Variants in IGSF21 observed in about 807,000 individuals in gnomAD.
IGSF21 encodes the protein immunoglobin superfamily member 21.
A neutral mutation model predicts 46.8 loss-of-function variants in IGSF21; 28 were observed. The ratio of observed to expected loss-of-function variants is 0.60; its 90% CI spans 0.44 to 0.82. The LOEUF is 0.82. IGSF21 is among the 40% of genes least tolerant of loss of function. IGSF21 has a pLI of 0.00. For synonymous variants in IGSF21, 284 were observed against 273.6 expected (o/e 1.04, Z -0.38); for missense variants, 624 against 665.5 (o/e 0.94, Z 0.69).
intron 1 of IGSF21, among the ~76,000 whole-genome samples, chr1:18,120,017 T>G (rs1356036501): frequency 6.6e-6 from 1 of 152,224 alleles, no homozygotes; most frequent in East Asian, 1.9e-4. Context: ...CACATGGGCT[T>G]CTGGAGGCAC....
intron 2 of IGSF21, 21 bp downstream of exon 2, chr1:18,228,031 C>T (rs1022311771): frequency 6.4e-7 from 1 of 1,569,070 alleles, no homozygotes; most frequent in East Asian, 2.2e-5. Flanking sequence ...ACTACTGCCC[C>T]CTTCATGCCC....
At chr1:18,177,355 G>A (rs1401148019) in intron 1 of IGSF21, among the ~76,000 whole-genome samples, 3 of 152,162 alleles carry the variant, frequency 2.0e-5, no homozygotes, top group Non-Finnish European at 4.4e-5. Flanking sequence ...AGATGGCTGA[G>A]AAGGACTGTG....
Position 18,291,960 on chromosome 1 carries a change from A to G in IGSF21, c.278A>G (p.Glu93Gly), listed in dbSNP as rs1488140475. ...CACATGGAGAACTACCGCAAGCGAG[A>G]GGACCTGGTGTACCAGTCCACTGTG... ...YSHMENYRKR[E>G]DLVYQSTVRL... The change falls in exon 3 of 10, where the codon GAG (glutamate) becomes GGG (glycine). Residue 93 changes from glutamate to glycine, a missense_variant. Glu to Gly is a moderately conservative substitution (Grantham distance 98). Coordinates refer to ENST00000251296, the MANE Select transcript of IGSF21 (RefSeq NM_032880.5). The G allele has an allele frequency of 1.9e-6, 3 of 1,607,954 alleles. No individual in the cohort carries two copies. The highest frequency in any genetic ancestry group is 1.7e-4 in the Middle Eastern group (1 of 6,048).
chr1:18,363,331 G>C (rs2086123207), intron 5 of IGSF21, among the ~76,000 whole-genome samples: 1 of 152,216 alleles, frequency 6.6e-6, no homozygotes, highest in Non-Finnish European at 1.5e-5. Flanking sequence ...TGTCTCCCAG[G>C]CATGGTCCAA....
At position 18,349,148 on chromosome 1, in the gene IGSF21, C is replaced by T. The variant is rs11579921; in HGVS notation, c.425-12967C>T. Among the ~76,000 whole-genome samples, 680 of 152,132 alleles carry T rather than the reference C, an allele frequency of 4.5e-3. 1 individual carries two copies. The highest frequency in any genetic ancestry group is 0.015 in the African/African-American group (634 of 41,506). ...TTCCCATTTTTACAGAAGAGGAAACCGAGGCTCAGACAGAAGAAGCAACTT... is the reference window on the plus strand; with the variant it reads ...TTCCCATTTTTACAGAAGAGGAAACTGAGGCTCAGACAGAAGAAGCAACTT... On this transcript the variant is annotated intron_variant, in intron 4 of 9. Transcript: ENST00000251296.
intron 1 of IGSF21, among the ~76,000 whole-genome samples, chr1:18,145,872 GT>G (rs2086461337): frequency 6.6e-6 from 1 of 152,166 alleles, no homozygotes; most frequent in Non-Finnish European, 1.5e-5. Context: ...AGGAACTTTG[GT>G]TGCTCCTTTA....
At chr1:18,117,878 G>A (rs2086200790) in intron 1 of IGSF21, among the ~76,000 whole-genome samples, 1 of 152,220 alleles carries the variant, frequency 6.6e-6, no homozygotes, top group African/African-American at 2.4e-5. Flanking sequence ...TGAGCCCAGA[G>A]AGAGGAATGA....
At chr1:18,184,230 T>C (rs974827860) in intron 1 of IGSF21, among the ~76,000 whole-genome samples, 2 of 152,198 alleles carry the variant, frequency 1.3e-5, no homozygotes, top group African/African-American at 4.8e-5. Context: ...TGAGCACTTA[T>C]GTCCACCATG....
Position 18,315,918 on chromosome 1 carries a change from T to A in IGSF21, c.306-18974T>A, listed in dbSNP as rs527660826. 1.1e-4 allele frequency among the ~76,000 whole-genome samples: 17 copies of A among 152,208 alleles called. No individual in the cohort carries two copies. In the East Asian group the frequency reaches 3.3e-3, roughly 29 times the overall value. On this transcript the variant is annotated intron_variant, in intron 3 of 9. Coordinates refer to ENST00000251296, the MANE Select transcript of IGSF21 (RefSeq NM_032880.5). ...ATGGGTGGATGGATGGATGGACAGA[T>A]GTGCTGAAGGTTTAATGAGATGCTG...
Position 18,233,329 on chromosome 1 carries a change from G to A in IGSF21, c.183+5319G>A, listed in dbSNP as rs1390252132. On this transcript the variant is annotated intron_variant, in intron 2 of 9. Transcript: ENST00000251296. Reference sequence around the variant, plus strand: ...GATGATGCGACCTCGCCAGGTGATCGTCCCCTCTGGGTTCTGCTGGATGCC... The same window carrying A: ...GATGATGCGACCTCGCCAGGTGATCATCCCCTCTGGGTTCTGCTGGATGCC... Among the ~76,000 whole-genome samples the A allele has an allele frequency of 9.2e-5, 14 of 152,228 alleles. No individual in the cohort carries two copies. The South Asian group carries it at 1.7e-3, about 18-fold the overall frequency.
chr1:18,343,486 G>A (rs946508371), intron 4 of IGSF21, among the ~76,000 whole-genome samples: 1 of 152,128 alleles, frequency 6.6e-6, no homozygotes, highest in Non-Finnish European at 1.5e-5. Context: ...TTTGTCACTT[G>A]TGCTTTTCGT....
intron 1 of IGSF21, among the ~76,000 whole-genome samples, chr1:18,145,210 A>T (rs2086454181): frequency 6.6e-6 from 1 of 151,442 alleles, no homozygotes; most frequent in Non-Finnish European, 1.5e-5. Flanking sequence ...AATATTTTTT[A>T]AAAAGTTATC....
At chr1:18,143,506 A>G (rs1487204365) in intron 1 of IGSF21, among the ~76,000 whole-genome samples, 1 of 152,126 alleles carries the variant, frequency 6.6e-6, no homozygotes, top group East Asian at 1.9e-4. Flanking sequence ...TGCCCATGGC[A>G]TGGGTTTCTA....
At chr1:18,176,718 G>T (rs1289847074) in intron 1 of IGSF21, among the ~76,000 whole-genome samples, 1 of 152,054 alleles carries the variant, frequency 6.6e-6, no homozygotes, top group Non-Finnish European at 1.5e-5. Context: ...GGAGTTCCGG[G>T]GTCTCCACAG....
intron 3 of IGSF21, among the ~76,000 whole-genome samples, chr1:18,313,427 T>C (rs911881131): frequency 2.6e-5 from 4 of 152,220 alleles, no homozygotes; most frequent in African/African-American, 4.8e-5. Context: ...GGCAAGTCAC[T>C]CATCTCTCCA....
chr1:18,275,114 G>A (rs1396331923), intron 2 of IGSF21, among the ~76,000 whole-genome samples: 2 of 152,188 alleles, frequency 1.3e-5, no homozygotes, highest in East Asian at 1.9e-4. Context: ...CTTAAAAACC[G>A]ATTACAAATT....
intron 4 of IGSF21, among the ~76,000 whole-genome samples, chr1:18,357,861 C>T (rs532711608): frequency 6.6e-6 from 1 of 152,188 alleles, no homozygotes; most frequent in African/African-American, 2.4e-5. Context: ...GAAGCCTGAG[C>T]TGTCCGTGCT....
chr1:18,313,211 C>T (rs531076290), intron 3 of IGSF21, among the ~76,000 whole-genome samples: 4 of 152,270 alleles, frequency 2.6e-5, no homozygotes, highest in East Asian at 1.9e-4. Context: ...GGGGAGGTCT[C>T]GGGCTTCAAA....
In IGSF21 at chr1:18,108,215, C is replaced by A; in HGVS notation, c.70+17C>A. The A allele has an allele frequency of 7.3e-7, 1 of 1,363,934 alleles. No homozygotes were observed. Among genetic ancestry groups the A allele is most frequent in the South Asian group, 1.7e-5 (1 of 57,710 alleles). The allele number at this position is 1,363,934 out of a possible 1,614,324, so 84.5% of individuals were successfully genotyped here. ...TGGCGCGCGGTGAGTGCGCGGGCGC[C>A]TGGCGGGAGCCGAGCGGTGAACGTG... On this transcript the variant is annotated intron_variant, in intron 1 of 9. Coordinates refer to ENST00000251296, the MANE Select transcript of IGSF21 (RefSeq NM_032880.5).
Sources: gnomAD v4.1 joint callset for allele counts (sites outside exome capture counted in the v4.1 genomes callset) on GRCh38, gnomAD v4.1.1 for gene constraint, MANE v1.5 for transcripts, NCBI Gene and HGNC (gene_info 2026-07-23, HGNC 2026-07-21) for gene names.